CDH13: variants seen among roughly 807,000 people sequenced by gnomAD.
CDH13 encodes cadherin 13, also known as cadherin-13.
Under a neutral mutation model 63.8 loss-of-function variants are expected in CDH13, and 24 were observed. The ratio of observed to expected loss-of-function variants is 0.38; its 90% CI spans 0.27 to 0.53. The LOEUF (loss-of-function observed/expected upper bound fraction) is 0.53, where lower values mean the gene tolerates loss of function less well. Among genes scored for constraint, CDH13 ranks in the 20% least tolerant of loss-of-function variants. CDH13 has a pLI of 0.85. For synonymous variants in CDH13, 503 were observed against 355.3 expected (o/e 1.42, Z -4.67); for missense variants, 1,049 against 903.1 (o/e 1.16, Z -2.07).
At chr16:83,049,725 A>G (rs1290536435) in intron 3 of CDH13, among the ~76,000 whole-genome samples, 4 of 152,260 alleles carry the variant, frequency 2.6e-5, no homozygotes, top group South Asian at 2.1e-4. Flanking sequence ...CTTTATGTGG[A>G]TGGACCACAA....
rs531843583 is a variant in CDH13 at position 83,699,020 on chromosome 16, T to A, written c.1538+20559T>A. On this transcript the variant is annotated intron_variant, in intron 10 of 13. Transcript: ENST00000567109. Reference sequence around the variant, plus strand: ...GTATCTTCATTTGTGTGTGTTCTACTCTGTGCTGCGAGCTCTTTAGGGGAA... The same window carrying A: ...GTATCTTCATTTGTGTGTGTTCTACACTGTGCTGCGAGCTCTTTAGGGGAA... 4.6e-5 allele frequency among the ~76,000 whole-genome samples: 7 copies of A among 152,386 alleles called. No homozygotes were observed. The South Asian group carries it at 1.4e-3, about 32-fold the overall frequency.
intron 1 of CDH13, among the ~76,000 whole-genome samples, chr16:82,812,531 G>T (rs909076231): frequency 6.6e-6 from 1 of 152,096 alleles, no homozygotes; most frequent in African/African-American, 2.4e-5. Flanking sequence ...GGGTGCTTCA[G>T]TGAGAAGAGA....
At chr16:82,872,654 A>G (rs565059144) in intron 2 of CDH13, among the ~76,000 whole-genome samples, 1 of 152,144 alleles carries the variant, frequency 6.6e-6, no homozygotes, top group African/African-American at 2.4e-5. Flanking sequence ...GTTGATGGAA[A>G]TTTTTTTGGC....
At chr16:83,439,181 A>C (rs138978955) in intron 6 of CDH13, among the ~76,000 whole-genome samples, 2 of 152,318 alleles carry the variant, frequency 1.3e-5, no homozygotes, top group African/African-American at 4.8e-5. Context: ...CTATATTCTA[A>C]TGTTTTATTG....
At chr16:83,579,845 G>T (rs1905390439) in intron 7 of CDH13, among the ~76,000 whole-genome samples, 2 of 151,826 alleles carry the variant, frequency 1.3e-5, no homozygotes, top group African/African-American at 2.4e-5. Context: ...GCAGAAAACT[G>T]GACTCCCAGT....
chr16:82,917,200 C>T (rs1186351192), intron 2 of CDH13, among the ~76,000 whole-genome samples: 1 of 152,122 alleles, frequency 6.6e-6, no homozygotes, highest in Non-Finnish European at 1.5e-5. Context: ...CGCATTAACT[C>T]TAAAGAAGGG....
chr16:83,043,490 AGTGT>A (rs67312035), intron 3 of CDH13, among the ~76,000 whole-genome samples: 6,107 of 132,074 alleles, frequency 0.046, 147 homozygotes, highest in African/African-American at 0.067. Flanking sequence ...TGTATATATG[AGTGT>A]GTGTGTGTGT....
At chr16:82,808,960 A>G (rs1160123878) in intron 1 of CDH13, among the ~76,000 whole-genome samples, 1 of 152,172 alleles carries the variant, frequency 6.6e-6, no homozygotes, top group Non-Finnish European at 1.5e-5. Context: ...GGTAGGTGCA[A>G]TAAACTAAGC....
At chr16:83,356,212 ATGTGTGTGTGTGTGTGTGTGTGTG>A (rs10525181) in intron 6 of CDH13, among the ~76,000 whole-genome samples, 19 of 138,666 alleles carry the variant, frequency 1.4e-4, no homozygotes, top group South Asian at 5.6e-4. Flanking sequence ...ATTTATTTTC[ATGTGTGTGTGTGTGTGTGTGTGTG>A]TGTGTGTGTG....
At chr16:82,825,761 G>A (rs57771534) in intron 1 of CDH13, 2 of 152,074 alleles carry the variant, frequency 1.3e-5, no homozygotes, top group East Asian at 3.9e-4. Context: ...TGGCCAGGAT[G>A]GTCTCAATTT....
At chr16:82,921,180 A>G (rs1238422921) in intron 2 of CDH13, among the ~76,000 whole-genome samples, 1 of 152,166 alleles carries the variant, frequency 6.6e-6, no homozygotes, top group Non-Finnish European at 1.5e-5. Flanking sequence ...GGTGGCTTAA[A>G]ACAAGAAATT....
intron 1 of CDH13, among the ~76,000 whole-genome samples, chr16:82,673,759 A>T (rs1462738987): frequency 6.6e-6 from 1 of 152,214 alleles, no homozygotes; most frequent in Non-Finnish European, 1.5e-5. Context: ...TGGGCAGAGA[A>T]TGATTGCTCC....
intron 2 of CDH13, among the ~76,000 whole-genome samples, chr16:82,987,497 C>G (rs117644191): frequency 0.017 from 2,590 of 152,280 alleles, 29 homozygotes; most frequent in Middle Eastern, 0.054. Flanking sequence ...CTGCCTCAGC[C>G]TCCTCTGTAG....
intron 2 of CDH13, among the ~76,000 whole-genome samples, chr16:82,902,902 A>T (rs1341011046): frequency 6.6e-6 from 1 of 152,202 alleles, no homozygotes; most frequent in African/African-American, 2.4e-5. Flanking sequence ...GAAAGGGCGA[A>T]GTCTGGGCAA....
intron 2 of CDH13, among the ~76,000 whole-genome samples, chr16:82,907,135 A>G (rs1597186794): frequency 6.6e-6 from 1 of 152,220 alleles, no homozygotes; most frequent in African/African-American, 2.4e-5. Flanking sequence ...ATTTTGGAAT[A>G]TAGAATTTCA....
chr16:82,831,292 T>A (rs1224255716), intron 1 of CDH13, among the ~76,000 whole-genome samples: 1 of 152,184 alleles, frequency 6.6e-6, no homozygotes, highest in Non-Finnish European at 1.5e-5. Context: ...ACCATACATT[T>A]ATCCTTAGCT....
intron 7 of CDH13, among the ~76,000 whole-genome samples, chr16:83,579,390 G>A (rs916987561): frequency 2.0e-5 from 3 of 152,176 alleles, no homozygotes; most frequent in African/African-American, 7.2e-5. Flanking sequence ...CGGGAAGCAT[G>A]GCTAGGGAGG....
intron 8 of CDH13, among the ~76,000 whole-genome samples, chr16:83,669,532 C>T (rs1354223893): frequency 2.6e-5 from 4 of 152,118 alleles, no homozygotes; most frequent in Admixed American, 1.3e-4. Flanking sequence ...CTTCTCATTC[C>T]CACTATTTTC....
chr16:83,141,123 C>T (rs1024216442), intron 4 of CDH13, among the ~76,000 whole-genome samples: 1 of 152,216 alleles, frequency 6.6e-6, no homozygotes, highest in African/African-American at 2.4e-5. Context: ...CTTATATCTT[C>T]TCCCTCTCCT....
Sources: gnomAD v4.1 joint callset for allele counts (sites outside exome capture counted in the v4.1 genomes callset) on GRCh38, gnomAD v4.1.1 for gene constraint, MANE v1.5 for transcripts, NCBI Gene and HGNC (gene_info 2026-07-23, HGNC 2026-07-21) for gene names.